PRR5L: variants seen among roughly 807,000 people sequenced by gnomAD.
The protein encoded by PRR5L is proline rich 5 like.
In PRR5L, 21 loss-of-function variants were observed where a neutral mutation model predicts 36.4. The ratio of observed to expected loss-of-function variants is 0.58; its 90% CI spans 0.41 to 0.83. The LOEUF is 0.83. Among genes scored for constraint, PRR5L ranks in the 40% least tolerant of loss-of-function variants. The probability of loss-of-function intolerance (pLI) is 0.00; values close to 1 mark genes in which losing one functional copy is unlikely to be tolerated. For synonymous variants in PRR5L, 188 were observed against 197.0 expected, an observed-to-expected ratio of 0.95 and a Z score of 0.38; for missense variants, 381 against 473.3, an observed-to-expected ratio of 0.80 and a Z score of 1.81.
intron 1 of PRR5L, among the ~76,000 whole-genome samples, chr11:36,312,361 G>C (rs1455773325): frequency 6.6e-6 from 1 of 152,178 alleles, no homozygotes; most frequent in African/African-American, 2.4e-5. Context: ...GGAGAACAGG[G>C]GTTGTGTACT....
intron 1 of PRR5L, chr11:36,321,233 G>A (rs1856610930): frequency 6.6e-6 from 1 of 152,156 alleles, no homozygotes; most frequent in African/African-American, 2.4e-5. Context: ...TCCTCAGATT[G>A]TTTTCTTCCT....
intron 1 of PRR5L, among the ~76,000 whole-genome samples, chr11:36,301,352 C>T (rs566829979): frequency 4.9e-4 from 74 of 152,010 alleles, no homozygotes; most frequent in African/African-American, 1.8e-3. Flanking sequence ...CGGGGACACA[C>T]TTGAGCATCA....
chr11:36,362,513 A>G (rs895837596), intron 1 of PRR5L, among the ~76,000 whole-genome samples: 1 of 151,964 alleles, frequency 6.6e-6, no homozygotes, highest in Non-Finnish European at 1.5e-5. Flanking sequence ...CCAGGAACAA[A>G]TCTCCAAAAA....
Position 36,401,128 on chromosome 11 carries a change from C to T in PRR5L, c.7C>T (p.Arg3Cys), listed in dbSNP as rs775515443. 74 of 1,613,944 alleles carry T rather than the reference C, an allele frequency of 4.6e-5. No homozygotes were observed. The highest frequency in any genetic ancestry group is 5.9e-5 in the Non-Finnish European group (70 of 1,179,976). ...TGAACTGTCACCAGGACTTATGACC[C>T]GCGGCTTCGCTCCCATTCTGCCCGT... MT[R>C]GFAPILPVEF... Residue 3 changes from arginine (R) to cysteine (C), a missense_variant, in exon 2 of 9, where the codon CGC (arginine) becomes TGC (cysteine). Coordinates refer to ENST00000530639, the MANE Select transcript of PRR5L (RefSeq NM_001160167.2).
At chr11:36,353,116 T>C (rs1357826269) in intron 1 of PRR5L, among the ~76,000 whole-genome samples, 11 of 152,114 alleles carry the variant, frequency 7.2e-5, no homozygotes, top group Non-Finnish European at 1.3e-4. Flanking sequence ...GTCACCCACA[T>C]TGTAGGATGT....
intron 1 of PRR5L, among the ~76,000 whole-genome samples, chr11:36,328,683 C>G (rs2133470123): frequency 6.6e-6 from 1 of 152,254 alleles, no homozygotes; most frequent in Non-Finnish European, 1.5e-5. Context: ...TTTCCCGATG[C>G]CAACTTCTCA....
At chr11:36,443,115 C>T (rs1246545981) in intron 6 of PRR5L, among the ~76,000 whole-genome samples, 1 of 152,212 alleles carries the variant, frequency 6.6e-6, no homozygotes, top group East Asian at 1.9e-4. Context: ...GGCTTACAGT[C>T]CTGCAGGCTG....
chr11:36,461,555 G>A (rs934424563), intron 8 of PRR5L, among the ~76,000 whole-genome samples: 1 of 152,030 alleles, frequency 6.6e-6, no homozygotes. Context: ...CCTGGGAAGC[G>A]GAGGTTGCAG....
chr11:36,341,309 G>A (rs1345656309), intron 1 of PRR5L, among the ~76,000 whole-genome samples: 1 of 152,206 alleles, frequency 6.6e-6, no homozygotes, highest in Non-Finnish European at 1.5e-5. Context: ...TCATTTGAAA[G>A]CTTCTATAAT....
At chr11:36,461,902 G>A (rs964699423) in intron 8 of PRR5L, among the ~76,000 whole-genome samples, 1 of 152,154 alleles carries the variant, frequency 6.6e-6, no homozygotes, top group African/African-American at 2.4e-5. Context: ...CTGGATTTCA[G>A]CTTAGGAAGA....
chr11:36,438,827 AGG>A (rs1364885252), intron 6 of PRR5L, among the ~76,000 whole-genome samples: 2 of 152,052 alleles, frequency 1.3e-5, no homozygotes, highest in African/African-American at 4.8e-5. Context: ...CTCAGGTACT[AGG>A]GAAGCTGAAG....
At chr11:36,348,326 G>A (rs1856888479) in intron 1 of PRR5L, among the ~76,000 whole-genome samples, 1 of 152,152 alleles carries the variant, frequency 6.6e-6, no homozygotes, top group African/African-American at 2.4e-5. Flanking sequence ...TAATAAGGCA[G>A]ATGAGGTATG....
intron 1 of PRR5L, among the ~76,000 whole-genome samples, chr11:36,359,450 A>G (rs961421520): frequency 6.6e-6 from 1 of 152,182 alleles, no homozygotes; most frequent in African/African-American, 2.4e-5. Flanking sequence ...TAGGGCATTA[A>G]TTTTAATTTT....
chr11:36,448,584 T>C (rs1222971504), intron 7 of PRR5L, among the ~76,000 whole-genome samples: 1 of 152,146 alleles, frequency 6.6e-6, no homozygotes, highest in Non-Finnish European at 1.5e-5. Flanking sequence ...CTTTGGCACA[T>C]AATAGGTATT....
At chr11:36,411,525 G>C (rs970461226) in intron 3 of PRR5L, among the ~76,000 whole-genome samples, 1 of 152,024 alleles carries the variant, frequency 6.6e-6, no homozygotes, top group Non-Finnish European at 1.5e-5. Context: ...TTCTCATTTT[G>C]GTCAGGCCCC....
At chr11:36,376,719 G>A in intron 1 of PRR5L, 1 of 986,768 alleles carries the variant, frequency 1.0e-6, no homozygotes, top group Non-Finnish European at 1.2e-6. Context: ...GTGGTGGGTG[G>A]GGGGCGTCTC....
At chr11:36,348,417 C>T (rs1455059922) in intron 1 of PRR5L, among the ~76,000 whole-genome samples, 1 of 152,084 alleles carries the variant, frequency 6.6e-6, no homozygotes, top group Non-Finnish European at 1.5e-5. Flanking sequence ...GCCCGAGTTC[C>T]CTGCCTCACC....
intron 1 of PRR5L, among the ~76,000 whole-genome samples, chr11:36,334,616 A>T (rs114085994): frequency 1.2e-3 from 180 of 152,242 alleles, no homozygotes; most frequent in African/African-American, 4.2e-3. Flanking sequence ...TGGTTGGTTG[A>T]TCTAAACTCT....
At chr11:36,393,873 C>G (rs539754306) in intron 1 of PRR5L, 1 of 152,166 alleles carries the variant, frequency 6.6e-6, no homozygotes, top group South Asian at 2.1e-4. Context: ...TAAAGAGAAA[C>G]ATCAAGGGCA....
Sources: allele counts gnomAD v4.1 joint callset (sites outside exome capture counted in the v4.1 genomes callset), GRCh38; gene constraint gnomAD v4.1.1; transcripts MANE v1.5; gene names NCBI Gene and HGNC (gene_info 2026-07-23, HGNC 2026-07-21).